NBEA: variants seen among roughly 807,000 people sequenced by gnomAD.
NBEA encodes the protein neurobeachin, also known as lysosomal-trafficking regulator 2.
NBEA carries 44 observed loss-of-function variants against 343.4 expected under a neutral mutation model. The observed-to-expected ratio is 0.13, with a 90% confidence interval of 0.10 to 0.16. The LOEUF is 0.16. NBEA is among the 10% of genes least tolerant of loss of function. The probability of loss-of-function intolerance (pLI) is 1.00; values close to 1 mark genes in which losing one functional copy is unlikely to be tolerated. For synonymous variants in NBEA, 1,175 were observed against 1,238.7 expected, an observed-to-expected ratio of 0.95 and a Z score of 1.08; for missense variants, 2,555 against 3,631.3, an observed-to-expected ratio of 0.70 and a Z score of 7.62.
intron 6 of NBEA, among the ~76,000 whole-genome samples, chr13:35,054,816 G>T (rs1484255551): frequency 6.6e-6 from 1 of 151,526 alleles, no homozygotes; most frequent in Non-Finnish European, 1.5e-5. Flanking sequence ...GCTAATTTTT[G>T]TATTTTTAGT....
chr13:35,410,905 C>T (rs1022626502), intron 38 of NBEA, among the ~76,000 whole-genome samples: 1 of 152,142 alleles, frequency 6.6e-6, no homozygotes, highest in African/African-American at 2.4e-5. Flanking sequence ...TGAAGCTTTC[C>T]TGGGCATTTT....
intron 18 of NBEA, among the ~76,000 whole-genome samples, chr13:35,151,852 T>G (rs2068811047): frequency 6.6e-6 from 1 of 152,130 alleles, no homozygotes; most frequent in Non-Finnish European, 1.5e-5. Context: ...TTAGTTTTGC[T>G]TTGTTACTCC....
chr13:35,653,722 C>G (rs1034277305), intron 53 of NBEA, among the ~76,000 whole-genome samples: 2 of 152,162 alleles, frequency 1.3e-5, no homozygotes, highest in Non-Finnish European at 2.9e-5. Flanking sequence ...TACCCATACA[C>G]AAAATACCAT....
Position 35,211,207 on chromosome 13 carries a change from T to C in NBEA, c.5648+28T>C, listed in dbSNP as rs778992353. ...ATGCATGACTACTTTTTATTCATTTTAACTCTTTTTAAATGTAGTGAAACA... is the reference window on the plus strand; with the variant it reads ...ATGCATGACTACTTTTTATTCATTTCAACTCTTTTTAAATGTAGTGAAACA... On this transcript the variant is annotated intron_variant, in intron 33 of 58. Transcript: ENST00000379939. The C allele has an allele frequency of 7.9e-6, 12 of 1,524,342 alleles. No homozygotes were observed. The African/African-American group carries it at 8.3e-5, about 11-fold the overall frequency. 94.4% of individuals were successfully genotyped at this position (1,524,342 alleles called of 1,614,324 possible).
In NBEA at chr13:35,485,542, G is replaced by T. The variant is rs138580962; in HGVS notation, c.6585+13006G>T. ...TGTTAGTTACATCGCAAAGCTTTTC[G>T]TAAAATATACTTGATCCTCAAGAAA... On this transcript the variant is annotated intron_variant, in intron 41 of 58. Transcript: ENST00000379939. Among the ~76,000 whole-genome samples, 3 of 152,044 alleles carry T rather than the reference G, an allele frequency of 2.0e-5. No individual in the cohort carries two copies. In the East Asian group the frequency reaches 5.8e-4, roughly 29 times the overall value.
At chr13:35,294,535 C>A (rs2035994540) in intron 35 of NBEA, among the ~76,000 whole-genome samples, 1 of 151,900 alleles carries the variant, frequency 6.6e-6, no homozygotes, top group African/African-American at 2.4e-5. Context: ...ATCATGAAAT[C>A]CTAATTATCA....
intron 47 of NBEA, among the ~76,000 whole-genome samples, chr13:35,601,869 T>C (rs553246839): frequency 6.6e-5 from 10 of 152,050 alleles, no homozygotes; most frequent in African/African-American, 2.2e-4. Flanking sequence ...TTAAAGTATC[T>C]GGGTTTGATT....
chr13:35,634,280 T>A (rs548233241), intron 49 of NBEA, among the ~76,000 whole-genome samples: 1 of 152,252 alleles, frequency 6.6e-6, no homozygotes, highest in Admixed American at 6.5e-5. Flanking sequence ...GAGGCGCAGC[T>A]TGTAGTGAGC....
chr13:35,372,108 G>C (rs751700158), intron 38 of NBEA, among the ~76,000 whole-genome samples: 2 of 152,190 alleles, frequency 1.3e-5, no homozygotes, highest in Non-Finnish European at 2.9e-5. Context: ...GCTTTCTTGG[G>C]TGCCAGCAGT....
intron 11 of NBEA, among the ~76,000 whole-genome samples, chr13:35,107,843 A>G (rs2065992124): frequency 6.6e-6 from 1 of 152,090 alleles, no homozygotes; most frequent in South Asian, 2.1e-4. Context: ...CAGGGAAGCA[A>G]ACGTGTCCTG....
chr13:35,584,396 G>A (rs2081194860), intron 46 of NBEA, among the ~76,000 whole-genome samples: 1 of 150,558 alleles, frequency 6.6e-6, no homozygotes, highest in South Asian at 2.1e-4. Context: ...ATAGCTCACA[G>A]CAGCCTTGAA....
chr13:35,251,744 C>T (rs74048958), intron 34 of NBEA: 10,192 of 229,584 alleles, frequency 0.044, 248 homozygotes, highest in South Asian at 0.075. Context: ...GCTGTACATG[C>T]TCAAAGCCAC....
intron 36 of NBEA, among the ~76,000 whole-genome samples, chr13:35,316,204 A>G (rs959504149): frequency 2.0e-5 from 3 of 152,182 alleles, no homozygotes; most frequent in African/African-American, 7.2e-5. Context: ...GGTTTACTGC[A>G]CCCATCTACC....
At chr13:35,047,809 A>G (rs1411893533) in intron 4 of NBEA, among the ~76,000 whole-genome samples, 3 of 148,760 alleles carry the variant, frequency 2.0e-5, no homozygotes, top group Admixed American at 1.4e-4. Flanking sequence ...TGAAAGATCT[A>G]TTTGAGGATA....
intron 38 of NBEA, among the ~76,000 whole-genome samples, chr13:35,394,035 C>T (rs1303325633): frequency 1.3e-5 from 2 of 152,084 alleles, no homozygotes; most frequent in African/African-American, 4.8e-5. Flanking sequence ...CTAAGGCTCA[C>T]CTTCCTGTTT....
intron 38 of NBEA, among the ~76,000 whole-genome samples, chr13:35,368,419 G>T (rs1281998248): frequency 6.6e-6 from 1 of 151,250 alleles, no homozygotes; most frequent in Admixed American, 6.6e-5. Flanking sequence ...GGACATAAAG[G>T]AATAAAATAC....
chr13:35,068,239 C>T (rs923691655), intron 8 of NBEA, among the ~76,000 whole-genome samples: 1 of 151,952 alleles, frequency 6.6e-6, no homozygotes, highest in Non-Finnish European at 1.5e-5. Flanking sequence ...GTATCATGGA[C>T]TCAGAAAAAC....
intron 25 of NBEA, 78 bp downstream of exon 25, chr13:35,169,073 G>A: frequency 8.5e-7 from 1 of 1,181,300 alleles, no homozygotes; most frequent in Non-Finnish European, 1.2e-6. Flanking sequence ...TTTTTGACTT[G>A]GTTATATTTT....
intron 46 of NBEA, among the ~76,000 whole-genome samples, chr13:35,591,759 T>C (rs1298738566): frequency 6.6e-6 from 1 of 152,080 alleles, no homozygotes; most frequent in Admixed American, 6.6e-5. Flanking sequence ...AAAGGGAGTT[T>C]AAGGGGGCAA....
Sources: allele counts gnomAD v4.1 joint callset (sites outside exome capture counted in the v4.1 genomes callset), GRCh38; gene constraint gnomAD v4.1.1; transcripts MANE v1.5; gene names NCBI Gene and HGNC (gene_info 2026-07-23, HGNC 2026-07-21).